Variants in RORA observed in about 807,000 individuals in gnomAD.
The protein encoded by RORA is RAR related orphan receptor A.
In RORA, 7 loss-of-function variants were observed where a neutral mutation model predicts 69.5. The observed-to-expected ratio is 0.10, with a 90% CI of 0.06 to 0.19. The LOEUF (loss-of-function observed/expected upper bound fraction) is 0.19. Among genes scored for constraint, RORA ranks in the 10% least tolerant of loss-of-function variants. The pLI, the probability that RORA is intolerant of heterozygous loss-of-function variation, is 1.00. For synonymous variants in RORA, 261 were observed against 240.8 expected (o/e 1.08, Z -0.78); for missense variants, 457 against 663.0 (o/e 0.69, Z 3.41).
intron 1 of RORA, among the ~76,000 whole-genome samples, chr15:61,182,729 G>A (rs1376523967): frequency 6.6e-6 from 1 of 152,190 alleles, no homozygotes; most frequent in African/African-American, 2.4e-5. Context: ...CCTTAACTAG[G>A]GAATCAGATC....
At chr15:61,026,974 T>C (rs1895849909) in intron 1 of RORA, among the ~76,000 whole-genome samples, 1 of 151,354 alleles carries the variant, frequency 6.6e-6, no homozygotes, top group African/African-American at 2.4e-5. Context: ...TTTAACTGCA[T>C]CAGGAGTAAG....
intron 1 of RORA, among the ~76,000 whole-genome samples, chr15:60,793,525 T>G (rs1008883031): frequency 5.6e-5 from 8 of 141,902 alleles, no homozygotes; most frequent in African/African-American, 1.8e-4. Context: ...TTTCAATATA[T>G]TGATGCTGGA....
chr15:60,500,021 G>A lies in RORA; in HGVS notation c.1295-17C>T. On this transcript the variant is annotated splice_polypyrimidine_tract_variant and intron_variant, in intron 9 of 10. Coordinates refer to ENST00000335670, the MANE Select transcript of RORA (RefSeq NM_134261.3). ...ATGAGCGATCTAAGCATAAAAAAAT[G>A]ATATTCTTTAGCATTCCTCTGACAT... 1 of 1,506,174 alleles carries A rather than the reference G, an allele frequency of 6.6e-7. No individual in the cohort carries two copies. The highest frequency in any genetic ancestry group is 9.2e-7 in the Non-Finnish European group (1 of 1,086,770). The allele number at this position is 1,506,174 out of a possible 1,614,324, so 93.3% of individuals were successfully genotyped here. A position where few individuals can be genotyped will look rare whatever the true frequency, so the allele number is the denominator to read the frequency against.
At chr15:61,012,080 T>C (rs1238236990) in intron 1 of RORA, among the ~76,000 whole-genome samples, 1 of 152,218 alleles carries the variant, frequency 6.6e-6, no homozygotes, top group East Asian at 1.9e-4. Flanking sequence ...ACTAGCAGAT[T>C]ATAGAAAACA....
At chr15:60,793,860 T>G (rs749379540) in intron 1 of RORA, among the ~76,000 whole-genome samples, 2 of 152,180 alleles carry the variant, frequency 1.3e-5, no homozygotes, top group African/African-American at 4.8e-5. Context: ...GTCCTGATGC[T>G]CTGTGACATT....
At chr15:61,137,712 T>C (rs527573177) in intron 1 of RORA, among the ~76,000 whole-genome samples, 2 of 152,348 alleles carry the variant, frequency 1.3e-5, no homozygotes, top group African/African-American at 4.8e-5. Flanking sequence ...AGTGCCACTC[T>C]TGCTGAACAA....
In RORA at chr15:60,496,743, C is replaced by G. The variant is rs540347444; in HGVS notation, c.*712G>C. 1 of 152,082 alleles carries G rather than the reference C, an allele frequency of 6.6e-6. No homozygotes were observed. The highest frequency in any genetic ancestry group is 1.5e-5 in the Non-Finnish European group (1 of 68,014). The allele number at this position is 152,082 out of a possible 1,614,324, so 9.4% of individuals were successfully genotyped here. A position where few individuals can be genotyped will look rare whatever the true frequency, so the allele number is the denominator to read the frequency against. On this transcript the variant is annotated 3_prime_UTR_variant, in exon 11 of 11. Transcript: ENST00000335670. This position sits in a 1 kb window ranked among gnomAD's most constrained non-coding sequence, Gnocchi z 4.5. Reference sequence around the variant, plus strand: ...TAAACTTGTGTTTCTGGTGCACATGCGACACGACAGTGAACACGCTAGCAT... The same window carrying G: ...TAAACTTGTGTTTCTGGTGCACATGGGACACGACAGTGAACACGCTAGCAT...
intron 1 of RORA, among the ~76,000 whole-genome samples, chr15:60,710,802 G>A (rs1219969737): frequency 6.6e-6 from 1 of 152,126 alleles, no homozygotes; most frequent in African/African-American, 2.4e-5. Flanking sequence ...TTACTACACT[G>A]GTCCCAGGGC....
At chr15:60,936,161 C>T (rs1036627924) in intron 1 of RORA, among the ~76,000 whole-genome samples, 4 of 152,222 alleles carry the variant, frequency 2.6e-5, no homozygotes, top group Non-Finnish European at 5.9e-5. Context: ...GGACCCAATC[C>T]TATCTGATGG....
intron 1 of RORA, among the ~76,000 whole-genome samples, chr15:60,852,376 C>T (rs535192862): frequency 1.3e-5 from 2 of 152,322 alleles, no homozygotes; most frequent in African/African-American, 2.4e-5. Flanking sequence ...GTGCGTGATG[C>T]TTGGCAAGTT....
intron 1 of RORA, among the ~76,000 whole-genome samples, chr15:60,977,693 T>C (rs1208162348): frequency 6.6e-6 from 1 of 152,210 alleles, no homozygotes; most frequent in Non-Finnish European, 1.5e-5. Context: ...ACATTTCCTA[T>C]GAATGGAAGC....
intron 2 of RORA, among the ~76,000 whole-genome samples, chr15:60,634,206 C>T (rs149121558): frequency 8.5e-5 from 13 of 152,112 alleles, no homozygotes; most frequent in African/African-American, 2.7e-4. Context: ...TTTTAGAATA[C>T]GTAAAAAAGA....
At chr15:60,682,562 T>G (rs892813112) in intron 1 of RORA, 1 of 152,236 alleles carries the variant, frequency 6.6e-6, no homozygotes, top group South Asian at 2.1e-4. Context: ...GAGGATAGCT[T>G]GAGCCCAAGA....
At chr15:60,884,843 G>C (rs960750782) in intron 1 of RORA, among the ~76,000 whole-genome samples, 1 of 152,166 alleles carries the variant, frequency 6.6e-6, no homozygotes, top group Non-Finnish European at 1.5e-5. Flanking sequence ...AAAAGAGCAC[G>C]GGAGTCATGA....
intron 2 of RORA, among the ~76,000 whole-genome samples, chr15:60,664,565 A>G (rs896529291): frequency 1.3e-5 from 2 of 152,216 alleles, no homozygotes; most frequent in African/African-American, 4.8e-5. Flanking sequence ...GCCTCATGAG[A>G]AAAGAATTAT....
intron 3 of RORA, among the ~76,000 whole-genome samples, chr15:60,516,382 A>T (rs2065960614): frequency 6.9e-6 from 1 of 145,548 alleles, no homozygotes; most frequent in Non-Finnish European, 1.5e-5. Flanking sequence ...TACAGGCATG[A>T]TCCACCTTTT....
intron 2 of RORA, chr15:60,592,750 C>T: frequency 5.7e-6 from 6 of 1,060,908 alleles, no homozygotes; most frequent in African/African-American, 1.8e-5. Context: ...CCGGGCCTGC[C>T]CTCCCGCGCC....
intron 1 of RORA, among the ~76,000 whole-genome samples, chr15:60,960,245 A>C (rs8024941): frequency 0.021 from 3,160 of 152,320 alleles, 110 homozygotes; most frequent in African/African-American, 0.071. Flanking sequence ...TCTTTATCAT[A>C]AAATCATTAG....
At chr15:60,817,171 G>A (rs2072829777) in intron 1 of RORA, among the ~76,000 whole-genome samples, 1 of 152,110 alleles carries the variant, frequency 6.6e-6, no homozygotes, top group South Asian at 2.1e-4. Flanking sequence ...TGAAGTACAG[G>A]CAAATGTCGG....
Sources: allele counts gnomAD v4.1 joint callset (sites outside exome capture counted in the v4.1 genomes callset), GRCh38; gene constraint gnomAD v4.1.1; non-coding constraint Gnocchi (gnomAD v3.1); transcripts MANE v1.5; gene names NCBI Gene and HGNC (gene_info 2026-07-23, HGNC 2026-07-21).